The following ABCA1 variants were observed in gnomAD, a reference collection of about 807,000 sequenced individuals.
The protein encoded by ABCA1 is ATP binding cassette subfamily A member 1, also known as phospholipid-transporting ATPase ABCA1.
Under a neutral mutation model 262.5 loss-of-function variants are expected in ABCA1, and 133 were observed. The ratio of observed to expected loss-of-function variants is 0.51; its 90% CI spans 0.44 to 0.59. ABCA1 has a LOEUF of 0.59. Among genes scored for constraint, ABCA1 ranks in the 20% least tolerant of loss-of-function variants. The pLI is 0.00. For missense variants in ABCA1, 2,452 were observed against 2,777.5 expected (o/e 0.88, Z 2.63); for synonymous variants, 1,022 against 1,043.5 (o/e 0.98, Z 0.40).
At chr9:104,882,646 T>C (rs1179065198) in intron 5 of ABCA1, among the ~76,000 whole-genome samples, 8 of 152,408 alleles carry the variant, frequency 5.2e-5, no homozygotes, top group Non-Finnish European at 2.9e-5. Context: ...CACTTATCCA[T>C]ATCAACTTAC....
chr9:104,862,654 CG>C (rs1217894326), intron 5 of ABCA1, among the ~76,000 whole-genome samples: 572 of 7,424 alleles, frequency 0.077, 62 homozygotes, highest in Middle Eastern at 0.25. Context: ...CGGGCCGGGC[CG>C]GGCCGGGCCG....
chr9:104,808,308 C>A (rs1830976366), intron 30 of ABCA1, among the ~76,000 whole-genome samples: 1 of 152,142 alleles, frequency 6.6e-6, no homozygotes, highest in South Asian at 2.1e-4. Flanking sequence ...TCCTACAGAG[C>A]CTTCCTAAGC....
At chr9:104,822,748 A>G in intron 18 of ABCA1, 81 bp from the exon 19 acceptor site, 2 of 1,536,994 alleles carry the variant, frequency 1.3e-6, no homozygotes, top group African/African-American at 1.4e-5. Context: ...ACTGCGCTTG[A>G]ACTTTCAGAA....
chr9:104,914,560 C>G (rs867608001), intron 1 of ABCA1, among the ~76,000 whole-genome samples: 2 of 151,798 alleles, frequency 1.3e-5, no homozygotes, highest in African/African-American at 4.8e-5. Context: ...TTCAGCTCTA[C>G]CTACAATCTT....
intron 3 of ABCA1, 103 bp downstream of exon 3, chr9:104,888,999 T>C: frequency 9.7e-7 from 1 of 1,035,682 alleles, no homozygotes; most frequent in Non-Finnish European, 1.5e-6. Flanking sequence ...TGTGTGATGT[T>C]TCCCAAAGAC....
At chr9:104,796,015 G>A (rs1286434580) in intron 39 of ABCA1, 38 bp downstream of exon 39, 1 of 1,611,662 alleles carries the variant, frequency 6.2e-7, no homozygotes, top group Non-Finnish European at 8.5e-7. Flanking sequence ...TCCCAGAGAT[G>A]CTCATCCCAG....
chr9:104,794,350 C>A (rs774993392), intron 40 of ABCA1, 37 bp downstream of exon 40: 1 of 1,613,802 alleles, frequency 6.2e-7, no homozygotes, highest in Non-Finnish European at 8.5e-7. Flanking sequence ...AGAGTGCCAT[C>A]TCCATTAAAG....
chr9:104,847,670 C>A (rs1437064203), intron 7 of ABCA1, among the ~76,000 whole-genome samples: 2 of 152,250 alleles, frequency 1.3e-5, no homozygotes, highest in East Asian at 3.8e-4. Flanking sequence ...ATATCAGCCA[C>A]ACTCCAATGT....
At chr9:104,865,234 A>G (rs1425942122) in intron 5 of ABCA1, among the ~76,000 whole-genome samples, 1 of 152,198 alleles carries the variant, frequency 6.6e-6, no homozygotes, top group African/African-American at 2.4e-5. Flanking sequence ...TGGAGCAACT[A>G]ATGAGAACTG....
At chr9:104,827,230 G>C (rs1832885420) in intron 15 of ABCA1, 61 bp from the exon 16 acceptor site, 2 of 1,398,934 alleles carry the variant, frequency 1.4e-6, no homozygotes, top group Non-Finnish European at 2.0e-6. Flanking sequence ...TCACTTGTAT[G>C]ATCTACAGAA....
At chr9:104,869,450 T>C (rs1207290745) in intron 5 of ABCA1, among the ~76,000 whole-genome samples, 3 of 152,156 alleles carry the variant, frequency 2.0e-5, no homozygotes, top group Admixed American at 6.5e-5. Context: ...TTGAAATACT[T>C]CTCTGTTATA....
At chr9:104,838,565 C>A (rs1166784448) in intron 9 of ABCA1, among the ~76,000 whole-genome samples, 1 of 150,184 alleles carries the variant, frequency 6.7e-6, no homozygotes, top group Non-Finnish European at 1.5e-5. Context: ...TGCAGTGAGC[C>A]GAGATGGCGC....
chr9:104,831,719 C>T lies in ABCA1; in HGVS notation c.1618G>A (p.Gly540Arg). ...RKFWAGIVFTGITPGSIELPH... is the reference protein window; with the variant it reads ...RKFWAGIVFTRITPGSIELPH... ...AGCTCAATGCTGCCTGGAGTAATTC[C>T]AGTGAACACAATACCAGCCCAGAAC... The change falls in exon 13 of 50, where the codon GGA (glycine) becomes AGA (arginine). Residue 540 changes from glycine (G) to arginine (R), a missense_variant. Physicochemically the swap from Gly to Arg is moderately radical, Grantham distance 125 (BLOSUM62 -2). This residue lies in a region of ABCA1 where 1,032 missense variants were observed against 1,089.7 expected (regional missense o/e 0.95). Coordinates refer to ENST00000374736, the MANE Select transcript of ABCA1 (RefSeq NM_005502.4). 1 of 1,614,168 alleles carries T rather than the reference C, an allele frequency of 6.2e-7. No individual in the cohort carries two copies. Among genetic ancestry groups the T allele is most frequent in the Non-Finnish European group, 8.5e-7 (1 of 1,180,036 alleles).
At chr9:104,910,060 G>A (rs947512945) in intron 1 of ABCA1, among the ~76,000 whole-genome samples, 14 of 152,284 alleles carry the variant, frequency 9.2e-5, no homozygotes, top group African/African-American at 3.4e-4. Context: ...GCCAACACAT[G>A]AGCTTTAGTG....
intron 3 of ABCA1, among the ~76,000 whole-genome samples, chr9:104,885,161 A>T (rs1441673059): frequency 6.6e-6 from 1 of 152,200 alleles, no homozygotes; most frequent in African/African-American, 2.4e-5. Flanking sequence ...GCTTGAACTC[A>T]GGAGGGGGAG....
At chr9:104,862,676 G>GCACCC in intron 5 of ABCA1, among the ~76,000 whole-genome samples, 37 of 1,826 alleles carry the variant, frequency 0.02, 10 homozygotes, top group African/African-American at 0.056. Context: ...GGCCGGGCCG[G>GCACCC]GCCGGGCCGG....
In ABCA1 at chr9:104,804,817, C is replaced by A. The variant is rs1830627511; in HGVS notation, c.4465-97G>T. The A allele has an allele frequency of 2.8e-6, 3 of 1,080,668 alleles. No individual in the cohort carries two copies. The South Asian group carries it at 3.8e-5, about 14-fold the overall frequency. 66.9% of individuals were successfully genotyped at this position (1,080,668 alleles called of 1,614,324 possible). The stretch of plus-strand genomic sequence containing the variant: ...AACAGTGACCATGTCCACAGTGTGA[C>A]CGGAAACCTGACTACAGGTCCCAGA... On this transcript the variant is annotated intron_variant, in intron 31 of 49. Transcript: ENST00000374736.
rs1166671739 is a variant in ABCA1, at chr9:104,833,923, C to T, written c.1312-1152G>A. Among the ~76,000 whole-genome samples, 7 of 131,752 alleles carry T rather than the reference C, an allele frequency of 5.3e-5. No individual in the cohort carries two copies. In the South Asian group the frequency reaches 1.5e-3, roughly 29 times the overall value. The allele number at this position is 131,752 out of a possible 152,430, so 86.4% of individuals were successfully genotyped here. ...GCAGAGGCCTGCACAGATGTGCTGC[C>T]GGAAAAACAGCAGCTGCAAACTCAG... On this transcript the variant is annotated intron_variant, in intron 11 of 49. Transcript: ENST00000374736.
intron 22 of ABCA1, among the ~76,000 whole-genome samples, chr9:104,819,097 T>C (rs898251939): frequency 1.3e-5 from 2 of 152,202 alleles, no homozygotes; most frequent in Admixed American, 6.5e-5. Context: ...AGCATTTTAT[T>C]TGGGAACTTG....
Sources: allele counts gnomAD v4.1 joint callset (sites outside exome capture counted in the v4.1 genomes callset), GRCh38; gene constraint gnomAD v4.1.1; regional missense constraint gnomAD v4.1.1; transcripts MANE v1.5; gene names NCBI Gene and HGNC (gene_info 2026-07-23, HGNC 2026-07-21).